Variants in RABL6 observed in about 807,000 individuals in gnomAD.
RABL6 encodes the protein RAB, member RAS oncogene family like 6.
Under a neutral mutation model 72.9 loss-of-function variants are expected in RABL6, and 28 were observed. The observed-to-expected ratio is 0.38, with a 90% CI of 0.28 to 0.53. The LOEUF is 0.53. Ranked by LOEUF, RABL6 falls within the 20% of genes least tolerant of loss-of-function variation. The probability of loss-of-function intolerance (pLI) is 0.80; values close to 1 mark genes in which losing one functional copy is unlikely to be tolerated. For synonymous variants in RABL6, 477 were observed against 421.2 expected (o/e 1.13, Z -1.62); for missense variants, 1,029 against 1,008.4 (o/e 1.02, Z -0.28).
chr9:136,815,463 C>T (rs996102837), intron 1 of RABL6: 2 of 273,152 alleles, frequency 7.3e-6, no homozygotes, highest in African/African-American at 2.3e-5. Flanking sequence ...TTCACTTCCT[C>T]CTTCTGCCTC....
intron 2 of RABL6, among the ~76,000 whole-genome samples, 189 bp from the exon 3 acceptor site, chr9:136,825,590 T>C (rs1848338260): frequency 6.6e-6 from 1 of 152,120 alleles, no homozygotes; most frequent in Non-Finnish European, 1.5e-5. Flanking sequence ...TGAAGCTGTG[T>C]CTGAGCGAAG....
chr9:136,818,031 C>T (rs1163633470), intron 1 of RABL6, among the ~76,000 whole-genome samples: 3 of 132,570 alleles, frequency 2.3e-5, no homozygotes, highest in Non-Finnish European at 4.6e-5. Flanking sequence ...CGCTGCACTC[C>T]AGCCTGGGCA....
chr9:136,811,170 T>C (rs926462354), intron 1 of RABL6, among the ~76,000 whole-genome samples: 4 of 152,224 alleles, frequency 2.6e-5, no homozygotes. Context: ...CAGGTGACCC[T>C]GAGGACATGT....
At chr9:136,837,021 C>G (rs1848595036) in intron 8 of RABL6, 1 of 443,168 alleles carries the variant, frequency 2.3e-6, no homozygotes, top group South Asian at 2.0e-5. Flanking sequence ...CTACAGGCAC[C>G]CGCCACCACA....
rs565971422 is a variant in RABL6, at chr9:136,825,625, G to A, written c.266-154G>A. 1.4e-3 allele frequency among the ~76,000 whole-genome samples: 211 copies of A among 152,334 alleles called. 2 individuals are homozygous for A. The Middle Eastern group carries it at 0.031, about 22-fold the overall frequency. Reference sequence around the variant, plus strand: ...GGCCTGAAGGAGCCGCCATGTGGTCGTCTGGGGAGGACACATCCCCTGCTT... The same window carrying A: ...GGCCTGAAGGAGCCGCCATGTGGTCATCTGGGGAGGACACATCCCCTGCTT... On this transcript the variant is annotated intron_variant, in intron 2 of 14. Coordinates refer to ENST00000311502, the MANE Select transcript of RABL6 (RefSeq NM_024718.5).
intron 1 of RABL6, among the ~76,000 whole-genome samples, chr9:136,812,520 C>T (rs1848032665): frequency 1.3e-5 from 2 of 152,026 alleles, no homozygotes; most frequent in African/African-American, 4.8e-5. Context: ...GATCACACCA[C>T]TGCGCTCCAG....
intron 8 of RABL6, 73 bp downstream of exon 8, chr9:136,835,918 G>A: frequency 7.3e-7 from 1 of 1,378,416 alleles, no homozygotes; most frequent in Non-Finnish European, 1.0e-6. Flanking sequence ...GCCATGGGCT[G>A]CACCAAGGAG....
At chr9:136,834,961 A>C (rs929518128) in intron 7 of RABL6, among the ~76,000 whole-genome samples, 1 of 151,736 alleles carries the variant, frequency 6.6e-6, no homozygotes. Context: ...ATCTCTGAAA[A>C]AGATGATTCA....
At position 136,839,244 on chromosome 9, in the gene RABL6, C is replaced by T. The variant is rs1848640835; in HGVS notation, c.1516C>T (p.Pro506Ser). Residue 506 changes from proline to serine, a missense_variant, in exon 12 of 15, where the codon CCA becomes TCA. By Grantham distance (74) the Pro-to-Ser change is moderately conservative. This residue lies in a region of RABL6 where 595 missense variants were observed against 472.4 expected (regional missense o/e 1.26). Transcript: ENST00000311502. ...AAGGTCCTCCATACCAGCTTCGAAGCCACGGAGGGGGACAGCTCCCACGAG... is the reference window on the plus strand; with the variant it reads ...AAGGTCCTCCATACCAGCTTCGAAGTCACGGAGGGGGACAGCTCCCACGAG... ...TKWSSIPASKPRRGTAPTRTA... is the reference protein window; with the variant it reads ...TKWSSIPASKSRRGTAPTRTA... The T allele has an allele frequency of 1.2e-6, 2 of 1,602,374 alleles. No individual in the cohort carries two copies. The highest frequency in any genetic ancestry group is 1.7e-6 in the Non-Finnish European group (2 of 1,174,694).
chr9:136,832,340 GTTC>G lies in RABL6; in HGVS notation c.679_681del (p.Phe227del). ...GCTTCGGCCTAAAGTACCTTCATAA[GTTC>G]TTCAATATCCCATTTTTGCAGCTTC... On this transcript the variant is annotated inframe_deletion, in exon 7 of 15. Transcript: ENST00000311502. 6.2e-7 allele frequency: 1 copy of G among 1,613,906 alleles called. No homozygotes were observed. Among genetic ancestry groups the G allele is most frequent in the Non-Finnish European group, 8.5e-7 (1 of 1,179,804 alleles).
chr9:136,838,459 C>T (rs1414971786), intron 10 of RABL6, among the ~76,000 whole-genome samples: 1 of 152,236 alleles, frequency 6.6e-6, no homozygotes, highest in Non-Finnish European at 1.5e-5. Flanking sequence ...ACCACTCTGT[C>T]TGCCAAGCTG....
In RABL6 at chr9:136,818,385, AAAAAAAAAAAAAAAAAAAACC is replaced by A. The variant is rs1326001489; in HGVS notation, c.131-5136_131-5116del. 6.1e-3 allele frequency among the ~76,000 whole-genome samples: 773 copies of A among 126,520 alleles called. 80 individuals carry two copies. Among genetic ancestry groups the A allele is most frequent in the African/African-American group, 0.027 (721 of 26,734 alleles). 83.0% of individuals were successfully genotyped at this position (126,520 alleles called of 152,430 possible). A position where few individuals can be genotyped will look rare whatever the true frequency, so the allele number is the denominator to read the frequency against. ...CTCAAAAAAAAAAAAAAAAAAAAAAAAAAAAAAAAAAAAAAAAAACCAAAGGTAAGCAAAGAAACTGGTAAA... is the reference window on the plus strand; with the variant it reads ...CTCAAAAAAAAAAAAAAAAAAAAAAAAAAGGTAAGCAAAGAAACTGGTAAA... On this transcript the variant is annotated intron_variant, in intron 1 of 14. Transcript: ENST00000311502.
chr9:136,839,668 C>G (rs369638788), intron 12 of RABL6, 26 bp from the exon 13 acceptor site: 1 of 1,564,658 alleles, frequency 6.4e-7, no homozygotes, highest in African/African-American at 1.3e-5. Context: ...GGATGATGGC[C>G]TGACCAGTTG....
chr9:136,812,108 A>C (rs755706880), intron 1 of RABL6, among the ~76,000 whole-genome samples: 1 of 152,218 alleles, frequency 6.6e-6, no homozygotes, highest in African/African-American at 2.4e-5. Context: ...GTCCCTTTCT[A>C]CTGTGACTGG....
chr9:136,816,599 C>T (rs1033086110), intron 1 of RABL6, among the ~76,000 whole-genome samples: 5 of 151,852 alleles, frequency 3.3e-5, no homozygotes, highest in Admixed American at 6.6e-5. Context: ...TGCCTGTAAT[C>T]CCAGCTACTC....
chr9:136,828,024 C>A lies in RABL6; in HGVS notation c.314-470C>A, dbSNP rs558866967. ...ATTTCAGGGCTGGAATCCCTGCCCC[C>A]CTCTCCTTTCCTCCCGGGCTGGTTG... On this transcript the variant is annotated intron_variant, in intron 3 of 14. Transcript: ENST00000311502. The A allele has an allele frequency of 3.3e-4, 51 of 156,788 alleles. 2 individuals are homozygous for A. The South Asian group carries it at 8.0e-3, about 25-fold the overall frequency. The allele number at this position is 156,788 out of a possible 1,614,324, so 9.7% of individuals were successfully genotyped here. A position where few individuals can be genotyped will look rare whatever the true frequency, so the allele number is the denominator to read the frequency against.
chr9:136,823,560 A>G lies in RABL6; in HGVS notation c.166A>G (p.Lys56Glu). The change falls in exon 2 of 15, where the codon AAG (lysine) becomes GAG (glutamate). Residue 56 changes from lysine to glutamate, a missense_variant. Physicochemically the swap from Lys to Glu is moderately conservative, Grantham distance 56 (BLOSUM62 1). This residue lies in a region of RABL6 where 434 missense variants were observed against 536.1 expected (regional missense o/e 0.81). Coordinates refer to ENST00000311502, the MANE Select transcript of RABL6 (RefSeq NM_024718.5). ...GATCCGGGGAGACAGGAACACGGGC[A>G]AGACAGCGCTGTGGCACCGCCTGCA... Reference protein sequence around the residue: ...IVIRGDRNTGKTALWHRLQGR... With the variant: ...IVIRGDRNTGETALWHRLQGR... 1.9e-6 allele frequency: 3 copies of G among 1,613,860 alleles called. No homozygotes were observed. The highest frequency in any genetic ancestry group is 2.5e-6 in the Non-Finnish European group (3 of 1,179,866).
In RABL6 at chr9:136,828,497, A is replaced by T; in HGVS notation, c.317A>T (p.Lys106Ile). 2 of 1,613,142 alleles carry T rather than the reference A, an allele frequency of 1.2e-6. No individual in the cohort carries two copies. Among genetic ancestry groups the T allele is most frequent in the Non-Finnish European group, 1.7e-6 (2 of 1,179,766 alleles). Residue 106 changes from lysine to isoleucine, a missense_variant, in exon 4 of 15, where the codon AAA becomes ATA. By Grantham distance (102) the Lys-to-Ile change is moderately radical. Around this residue, in one of 2 missense-constraint regions of RABL6, gnomAD observed 434 missense variants for 536.1 expected, o/e 0.81. Transcript: ENST00000311502. Reference protein sequence around the residue: ...VEVWDVVDKGKCKKRGDGLKM... With the variant: ...VEVWDVVDKGICKKRGDGLKM... ...TTTTTGTTTGTTTTTAAATAAGGAA[A>T]ATGCAAAAAGCGAGGCGACGGCTTA...
chr9:136,817,484 T>TGGCTGAGGGGAGGCCGACGTG (rs1564360261), intron 1 of RABL6, among the ~76,000 whole-genome samples: 25 of 118,588 alleles, frequency 2.1e-4, no homozygotes, highest in Admixed American at 8.9e-4. Context: ...AGCAAACCTG[T>TGGCTGAGGGGAGGCCGACGTG]GGCTGAGGGG....
Sources: allele counts gnomAD v4.1 joint callset (sites outside exome capture counted in the v4.1 genomes callset), GRCh38; gene constraint gnomAD v4.1.1; regional missense constraint gnomAD v4.1.1; transcripts MANE v1.5; gene names NCBI Gene and HGNC (gene_info 2026-07-23, HGNC 2026-07-21).